Variants in EML4 observed in about 807,000 individuals in gnomAD.
The protein encoded by EML4 is EMAP like 4.
In EML4, 72 loss-of-function variants were observed where a neutral mutation model predicts 129.0. That is an observed-to-expected ratio of 0.56 (90% CI 0.46 to 0.68). EML4 has a LOEUF of 0.68. EML4 is among the 30% of genes least tolerant of loss of function. The pLI is 0.00. For synonymous variants in EML4, 532 were observed against 405.0 expected (o/e 1.31, Z -3.77); for missense variants, 1,363 against 1,190.6 (o/e 1.14, Z -2.13).
Position 42,325,545 on chromosome 2 carries a change from A to C in EML4, c.2233A>C (p.Ile745Leu). Residue 745 changes from isoleucine to leucine, a missense_variant, in exon 20 of 23, where the codon ATA (isoleucine) becomes CTA (leucine). Physicochemically the swap from Ile to Leu is conservative, Grantham distance 5. Coordinates refer to ENST00000318522, the MANE Select transcript of EML4 (RefSeq NM_019063.5). ...AATGTCTAACTCGGGAGACTATGAA[A>C]TATTGTACTGTAAGTATGAATGATT... ...YIMSNSGDYE[I>L]LYWDIPNGCK... 7.2e-7 allele frequency: 1 copy of C among 1,395,592 alleles called. No individual in the cohort carries two copies. Among genetic ancestry groups the C allele is most frequent in the Non-Finnish European group, 9.9e-7 (1 of 1,005,764 alleles). The allele number at this position is 1,395,592 out of a possible 1,614,324, so 86.5% of individuals were successfully genotyped here. A position where few individuals can be genotyped will look rare whatever the true frequency, so the allele number is the denominator to read the frequency against.
At chr2:42,264,030 G>C (rs187379905) in intron 5 of EML4, among the ~76,000 whole-genome samples, 1 of 151,230 alleles carries the variant, frequency 6.6e-6, no homozygotes, top group African/African-American at 2.4e-5. Flanking sequence ...TGCCAGCCTG[G>C]TGTATGTTTT....
At chr2:42,208,199 A>G (rs1224731591) in intron 1 of EML4, 2 of 152,190 alleles carry the variant, frequency 1.3e-5, no homozygotes, top group African/African-American at 2.4e-5. Flanking sequence ...GACAGTGGCC[A>G]TAAGGTGAGT....
intron 14 of EML4, 107 bp from the exon 15 acceptor site, chr2:42,302,997 C>A: frequency 1.8e-6 from 2 of 1,141,976 alleles, no homozygotes; most frequent in Non-Finnish European, 2.5e-6. Context: ...CAAATTTGGG[C>A]TTTCGTCATA....
At chr2:42,329,108 C>T in intron 22 of EML4, 92 bp downstream of exon 22, 3 of 1,323,866 alleles carry the variant, frequency 2.3e-6, no homozygotes, top group Admixed American at 2.0e-5. Context: ...TTACTGATTC[C>T]TCTCCATGAT....
chr2:42,173,054 G>C (rs1186694907), intron 1 of EML4, among the ~76,000 whole-genome samples: 4 of 152,060 alleles, frequency 2.6e-5, no homozygotes, highest in Non-Finnish European at 4.4e-5. Context: ...TGAAATTGTT[G>C]GATTAGGATC....
chr2:42,172,000 C>T (rs1207698816), intron 1 of EML4, among the ~76,000 whole-genome samples: 1 of 151,986 alleles, frequency 6.6e-6, no homozygotes, highest in African/African-American at 2.4e-5. Flanking sequence ...CTTTATTTTA[C>T]CATCAGGAGA....
chr2:42,180,242 T>A (rs1169090607), intron 1 of EML4, among the ~76,000 whole-genome samples: 1 of 152,240 alleles, frequency 6.6e-6, no homozygotes, highest in Non-Finnish European at 1.5e-5. Flanking sequence ...TCCGTGTATG[T>A]ATCATGTGGC....
intron 6 of EML4, among the ~76,000 whole-genome samples, chr2:42,278,638 A>G (rs940553430): frequency 6.6e-6 from 1 of 151,608 alleles, no homozygotes; most frequent in South Asian, 2.1e-4. Flanking sequence ...CTTTTGTAAA[A>G]GATGTGTAAT....
intron 6 of EML4, among the ~76,000 whole-genome samples, chr2:42,270,724 T>C (rs1666317652): frequency 6.6e-6 from 1 of 152,150 alleles, no homozygotes; most frequent in Non-Finnish European, 1.5e-5. Context: ...ATGAAAAAAG[T>C]CAAAAGCCTT....
At chr2:42,186,122 G>C (rs1274197811) in intron 1 of EML4, among the ~76,000 whole-genome samples, 1 of 152,096 alleles carries the variant, frequency 6.6e-6, no homozygotes, top group Non-Finnish European at 1.5e-5. Flanking sequence ...TGCTGTGTCT[G>C]TTTTTACCTG....
At chr2:42,324,555 G>C in intron 19 of EML4, among the ~76,000 whole-genome samples, 1 of 152,194 alleles carries the variant, frequency 6.6e-6, no homozygotes, top group Admixed American at 6.5e-5. Context: ...TGGGGTCAAG[G>C]CTGCAGTGAG....
At position 42,331,347 on chromosome 2, in the gene EML4, G is replaced by A. The variant is rs1027821787; in HGVS notation, c.*1140G>A. 1 of 224,206 alleles carries A rather than the reference G, an allele frequency of 4.5e-6. No homozygotes were observed. The highest frequency in any genetic ancestry group is 8.9e-6 in the Non-Finnish European group (1 of 112,260). The allele number at this position is 224,206 out of a possible 1,614,324, so 13.9% of individuals were successfully genotyped here. ...TTCTGGTGGAGTTGCTGTAAGTCTT[G>A]TAAGTCTAATGTGGCTATCCTACTC... On this transcript the variant is annotated 3_prime_UTR_variant, in exon 23 of 23. Coordinates refer to ENST00000318522, the MANE Select transcript of EML4 (RefSeq NM_019063.5).
Position 42,295,312 on chromosome 2 carries a change from T to A in EML4, c.1353+53T>A, listed in dbSNP as rs1667880105. 3.1e-6 allele frequency: 5 copies of A among 1,594,804 alleles called. No homozygotes were observed. The South Asian group carries it at 3.4e-5, about 11-fold the overall frequency. On this transcript the variant is annotated intron_variant, in intron 12 of 22. Coordinates refer to ENST00000318522, the MANE Select transcript of EML4 (RefSeq NM_019063.5). ...TAGGTGTATAAGACTTTAATTTTTT[T>A]AATTGTTTAATAAGCATCAAGTTGT... is the stretch of plus-strand genomic sequence containing the variant.
intron 1 of EML4, among the ~76,000 whole-genome samples, chr2:42,179,789 A>G (rs1003755813): frequency 2.1e-4 from 32 of 152,170 alleles, no homozygotes; most frequent in African/African-American, 7.5e-4. Context: ...TTTAGTAGAG[A>G]TGGAGTTTCA....
At chr2:42,217,266 A>G (rs1315972184) in intron 1 of EML4, among the ~76,000 whole-genome samples, 1 of 152,174 alleles carries the variant, frequency 6.6e-6, no homozygotes, top group African/African-American at 2.4e-5. Flanking sequence ...AATCTTAGGG[A>G]TACAGTCCTC....
chr2:42,169,852 TC>T, intron 1 of EML4: 1 of 445,716 alleles, frequency 2.2e-6, no homozygotes, highest in South Asian at 4.9e-5. Flanking sequence ...CCTCCTTTCC[TC>T]CCGGAGCCCC....
At chr2:42,239,963 C>T (rs1674913690) in intron 1 of EML4, among the ~76,000 whole-genome samples, 1 of 152,052 alleles carries the variant, frequency 6.6e-6, no homozygotes, top group African/African-American at 2.4e-5. Context: ...AGAACAAGAG[C>T]AATGCATAAT....
At chr2:42,285,438 C>T (rs558559138) in intron 9 of EML4, among the ~76,000 whole-genome samples, 1 of 151,954 alleles carries the variant, frequency 6.6e-6, no homozygotes, top group African/African-American at 2.4e-5. Context: ...CTTCTAAGAC[C>T]CCTTCCAGTT....
At position 42,291,206 on chromosome 2, in the gene EML4, C is replaced by T. The variant is rs1435738183; in HGVS notation, c.1218+2884C>T. The stretch of plus-strand genomic sequence containing the variant: ...ATATGAAAAAAAAATTACCTTGACC[C>T]CTCCCTCACAGCATTCAGAAAAATC... On this transcript the variant is annotated intron_variant, in intron 11 of 22. Coordinates refer to ENST00000318522, the MANE Select transcript of EML4 (RefSeq NM_019063.5). Among the ~76,000 whole-genome samples the T allele has an allele frequency of 2.0e-5, 3 of 152,086 alleles. No homozygotes were observed. The East Asian group carries it at 5.8e-4, about 29-fold the overall frequency.
Sources: gnomAD v4.1 joint callset for allele counts (sites outside exome capture counted in the v4.1 genomes callset) on GRCh38, gnomAD v4.1.1 for gene constraint, MANE v1.5 for transcripts, NCBI Gene and HGNC (gene_info 2026-07-23, HGNC 2026-07-21) for gene names.